Variants in STK3 observed in about 807,000 individuals in gnomAD.
STK3 encodes the protein serine/threonine-protein kinase 3.
STK3 carries 41 observed loss-of-function variants against 58.0 expected under a neutral mutation model. The ratio of observed to expected loss-of-function variants is 0.71; its 90% CI spans 0.55 to 0.92. The LOEUF is 0.92. Among genes scored for constraint, STK3 ranks in the 40% least tolerant of loss-of-function variants. The pLI is 0.00. For synonymous variants in STK3, 170 were observed against 191.0 expected (o/e 0.89, Z 0.91); for missense variants, 479 against 602.7 (o/e 0.79, Z 2.15).
intron 6 of STK3, among the ~76,000 whole-genome samples, chr8:98,661,426 C>A (rs1003461311): frequency 9.9e-5 from 15 of 151,992 alleles, no homozygotes; most frequent in Admixed American, 5.2e-4. Flanking sequence ...TCTCTATCAC[C>A]GCAGCTAATA....
chr8:98,572,382 T>C (rs1224559186), intron 8 of STK3, among the ~76,000 whole-genome samples: 1 of 152,182 alleles, frequency 6.6e-6, no homozygotes, highest in Non-Finnish European at 1.5e-5. Flanking sequence ...AAAAATATTT[T>C]ACTTTTATGA....
intron 6 of STK3, among the ~76,000 whole-genome samples, chr8:98,653,949 T>C (rs565249487): frequency 7.6e-4 from 116 of 152,164 alleles, no homozygotes; most frequent in African/African-American, 2.6e-3. Context: ...TTCCAATCAA[T>C]AGAAAAAGAG....
chr8:98,533,304 C>G (rs1386215563), intron 9 of STK3, among the ~76,000 whole-genome samples: 1 of 152,098 alleles, frequency 6.6e-6, no homozygotes, highest in Admixed American at 6.6e-5. Context: ...TTTTTAATAT[C>G]TATCCAGAGG....
intron 4 of STK3, among the ~76,000 whole-genome samples, chr8:98,727,415 T>C (rs1827864476): frequency 6.6e-6 from 1 of 152,216 alleles, no homozygotes; most frequent in South Asian, 2.1e-4. Context: ...AAACTAACTT[T>C]GCAATGAGCA....
intron 9 of STK3, among the ~76,000 whole-genome samples, chr8:98,545,134 A>C (rs767285795): frequency 6.6e-6 from 1 of 152,204 alleles, no homozygotes; most frequent in South Asian, 2.1e-4. Flanking sequence ...CTACTCCAGG[A>C]TAATAAATCC....
chr8:98,650,709 T>C (rs974293341), intron 6 of STK3, among the ~76,000 whole-genome samples: 1 of 151,720 alleles, frequency 6.6e-6, no homozygotes, highest in African/African-American at 2.4e-5. Flanking sequence ...GCTCGGAGGG[T>C]CCTACGCCCA....
intron 1 of STK3, chr8:98,921,151 T>C (rs1839543386): frequency 6.6e-6 from 1 of 152,166 alleles, no homozygotes; most frequent in Non-Finnish European, 1.5e-5. Flanking sequence ...TTTAGTGTAA[T>C]TATTTGTCTA....
intron 6 of STK3, among the ~76,000 whole-genome samples, chr8:98,651,957 A>G (rs1287878723): frequency 1.6e-4 from 24 of 152,124 alleles, no homozygotes; most frequent in East Asian, 5.8e-4. Context: ...GCAGGCCAAC[A>G]TTCAGATTCA....
intron 6 of STK3, among the ~76,000 whole-genome samples, chr8:98,658,357 A>T (rs374668205): frequency 3.7e-4 from 56 of 152,034 alleles, no homozygotes; most frequent in African/African-American, 1.0e-3. Context: ...TGAGATTAGT[A>T]CCTGCAGGGT....
In STK3 at chr8:98,486,175, T is replaced by C. The variant is rs570610683; in HGVS notation, c.1318-30175A>G. ...GCTCCTTTAACATATAGTTTCCTTATCTATAAAACAGGAATAATGCACTTG... is the reference window on the plus strand; with the variant it reads ...GCTCCTTTAACATATAGTTTCCTTACCTATAAAACAGGAATAATGCACTTG... On this transcript the variant is annotated intron_variant, in intron 10 of 10. Transcript: ENST00000419617. 3.9e-5 allele frequency among the ~76,000 whole-genome samples: 6 copies of C among 152,288 alleles called. No homozygotes were observed. In the South Asian group the frequency reaches 1.2e-3, roughly 32 times the overall value.
At chr8:98,740,872 A>T (rs569304620) in intron 4 of STK3, among the ~76,000 whole-genome samples, 2,091 of 152,092 alleles carry the variant, frequency 0.014, 40 homozygotes, top group African/African-American at 0.048. Context: ...GAGACACACA[A>T]AGGCTCAAAA....
intron 3 of STK3, among the ~76,000 whole-genome samples, chr8:98,849,779 G>A (rs1310553168): frequency 1.3e-5 from 2 of 152,020 alleles, no homozygotes. Flanking sequence ...CTTGGAGGTG[G>A]GGGTGGGGAT....
At chr8:98,794,803 C>G (rs911027119) in intron 1 of STK3, among the ~76,000 whole-genome samples, 1 of 151,958 alleles carries the variant, frequency 6.6e-6, no homozygotes, top group Non-Finnish European at 1.5e-5. Flanking sequence ...CACAGTGGCT[C>G]ACGCCTGTAA....
At chr8:98,897,933 A>G (rs1160804897) in intron 1 of STK3, among the ~76,000 whole-genome samples, 2 of 152,226 alleles carry the variant, frequency 1.3e-5, no homozygotes, top group African/African-American at 4.8e-5. Context: ...TTGAATAACT[A>G]CTTTAGGAAT....
the STK3 span, among the ~76,000 whole-genome samples, chr8:98,352,229 T>C: frequency 6.1e-4 from 92 of 151,396 alleles, no homozygotes; most frequent in East Asian, 0.012. Flanking sequence ...GATAGGAACA[T>C]TTTGGCTTCA....
chr8:98,920,756 G>A lies in STK3; in HGVS notation c.-79+21622C>T, dbSNP rs575200826. Among the ~76,000 whole-genome samples, 9 of 152,364 alleles carry A rather than the reference G, an allele frequency of 5.9e-5. No individual in the cohort carries two copies. The East Asian group carries it at 1.7e-3, about 29-fold the overall frequency. ...ATCCTCCAGCCCCTGGAGAAGCAGG[G>A]CAAGAGGCTGAGGTTAGAACAGCAG... On this transcript the variant is annotated intron_variant, in intron 1 of 1. Coordinates refer to the STK3 transcript ENST00000519420.
chr8:98,674,652 C>G (rs2130860700), intron 6 of STK3, among the ~76,000 whole-genome samples: 1 of 152,204 alleles, frequency 6.6e-6, no homozygotes, highest in Admixed American at 6.5e-5. Context: ...GCCAAAAGGT[C>G]AAGTCTAAAA....
At chr8:98,709,009 G>A (rs779307331) in intron 4 of STK3, among the ~76,000 whole-genome samples, 10 of 151,802 alleles carry the variant, frequency 6.6e-5, no homozygotes, top group Non-Finnish European at 2.9e-5. Context: ...CCTGACTTAC[G>A]GGAGGGCTGC....
chr8:98,877,961 G>A (rs569261404), intron 3 of STK3, among the ~76,000 whole-genome samples: 4 of 152,140 alleles, frequency 2.6e-5, no homozygotes, highest in Admixed American at 6.5e-5. Flanking sequence ...CAAAGAAACC[G>A]GCCCCAGAGT....
Sources: allele counts gnomAD v4.1 joint callset (sites outside exome capture counted in the v4.1 genomes callset), GRCh38; gene constraint gnomAD v4.1.1; transcripts MANE v1.5; gene names NCBI Gene and HGNC (gene_info 2026-07-23, HGNC 2026-07-21).